NFIA: variants seen among roughly 807,000 people sequenced by gnomAD.
NFIA encodes the protein nuclear factor 1 A-type.
A neutral mutation model predicts 62.8 loss-of-function variants in NFIA; 8 were observed. The observed-to-expected ratio is 0.13, with a 90% CI of 0.07 to 0.23. The LOEUF is 0.23. NFIA is among the 10% of genes least tolerant of loss of function. NFIA has a pLI of 1.00. For missense variants in NFIA, 410 were observed against 642.1 expected (o/e 0.64, Z 3.91); for synonymous variants, 235 against 238.1 (o/e 0.99, Z 0.12).
intron 3 of NFIA, among the ~76,000 whole-genome samples, chr1:61,313,710 T>C (rs1055130300): frequency 6.6e-6 from 1 of 152,190 alleles, no homozygotes; most frequent in Admixed American, 6.5e-5. Flanking sequence ...AAAAAATCTA[T>C]GGTACTTAGA....
At chr1:61,256,016 G>A (rs1306034738) in intron 2 of NFIA, among the ~76,000 whole-genome samples, 1 of 152,160 alleles carries the variant, frequency 6.6e-6, no homozygotes, top group South Asian at 2.1e-4. Context: ...GTCCAGGCAT[G>A]TCCAATCTTT....
intron 3 of NFIA, among the ~76,000 whole-genome samples, chr1:61,303,157 C>T (rs140381327): frequency 2.0e-5 from 3 of 152,282 alleles, no homozygotes; most frequent in South Asian, 4.1e-4. Context: ...GAAACTGAGG[C>T]TCAAAGCGAT....
intron 5 of NFIA, 56 bp from the exon 6 acceptor site, chr1:61,359,091 T>G: frequency 6.3e-7 from 1 of 1,597,668 alleles, no homozygotes; most frequent in Admixed American, 1.7e-5. Context: ...AGGTGCAGTG[T>G]CCAAGAGAAA....
intron 2 of NFIA, among the ~76,000 whole-genome samples, chr1:61,247,817 G>A (rs1245663030): frequency 2.0e-5 from 3 of 152,112 alleles, no homozygotes; most frequent in Non-Finnish European, 4.4e-5. Context: ...TCATCTCAGG[G>A]CCAGAAATGG....
rs546673239 is a variant in NFIA at position 61,347,122 on chromosome 1, G to A, written c.701-5328G>A. On this transcript the variant is annotated intron_variant, in intron 4 of 10. Coordinates refer to ENST00000403491, the MANE Select transcript of NFIA (RefSeq NM_001134673.4). ...CCTTGTGATTGTTCCCAGGTCCACA[G>A]TGATCTTATCACTTCCCTATTCAGA... Among the ~76,000 whole-genome samples, 31 of 147,588 alleles carry A rather than the reference G, an allele frequency of 2.1e-4. No individual in the cohort carries two copies. The East Asian group carries it at 6.3e-3, about 30-fold the overall frequency.
intron 6 of NFIA, among the ~76,000 whole-genome samples, chr1:61,361,782 GGTGTGTGTGTGTGTGT>G (rs61410878): frequency 4.8e-4 from 68 of 142,272 alleles, no homozygotes; most frequent in Admixed American, 6.4e-4. Context: ...TTTGGTAAGA[GGTGTGTGTGTGTGTGT>G]GTGTGTGTGT....
At chr1:61,264,630 G>T (rs1362058729) in intron 2 of NFIA, among the ~76,000 whole-genome samples, 1 of 98,198 alleles carries the variant, frequency 1.0e-5, no homozygotes, top group Non-Finnish European at 2.0e-5. Flanking sequence ...CAGCCTGGGC[G>T]ATAAGAGCAA....
chr1:61,448,506 T>G (rs1667923176), intron 10 of NFIA, among the ~76,000 whole-genome samples: 1 of 152,188 alleles, frequency 6.6e-6, no homozygotes, highest in East Asian at 1.9e-4. Context: ...ACCCCTGGCT[T>G]TCTGGCTTTC....
At chr1:61,231,880 A>C in intron 2 of NFIA, among the ~76,000 whole-genome samples, 1 of 152,080 alleles carries the variant, frequency 6.6e-6, no homozygotes, top group East Asian at 1.9e-4. Context: ...AACAAAAAAA[A>C]ACAAAACAAG....
intron 2 of NFIA, among the ~76,000 whole-genome samples, chr1:61,239,321 T>C (rs1557655630): frequency 6.6e-6 from 1 of 152,170 alleles, no homozygotes; most frequent in Non-Finnish European, 1.5e-5. Flanking sequence ...CTTTTATGGA[T>C]ACCAAATAAT....
At chr1:61,318,535 T>C (rs1237969790) in intron 3 of NFIA, among the ~76,000 whole-genome samples, 16 of 152,334 alleles carry the variant, frequency 1.1e-4, no homozygotes, top group South Asian at 6.2e-4. Flanking sequence ...AAACCAATAG[T>C]TCTACAAATA....
intron 2 of NFIA, among the ~76,000 whole-genome samples, chr1:61,214,598 G>A (rs192570616): frequency 6.6e-6 from 1 of 152,110 alleles, no homozygotes; most frequent in Non-Finnish European, 1.5e-5. Flanking sequence ...ACAAAACTGA[G>A]GCTCTGAGAA....
chr1:61,133,882 C>T (rs922138291), intron 2 of NFIA, among the ~76,000 whole-genome samples: 1 of 151,990 alleles, frequency 6.6e-6, no homozygotes, highest in African/African-American at 2.4e-5. Flanking sequence ...TGGCTCACAC[C>T]TGTAATCCTA....
At chr1:61,365,423 A>G (rs751486414) in intron 6 of NFIA, among the ~76,000 whole-genome samples, 1 of 152,170 alleles carries the variant, frequency 6.6e-6, no homozygotes, top group Admixed American at 6.5e-5. Flanking sequence ...GGTTCTCTTT[A>G]AAACAATTCT....
chr1:61,175,769 TC>T (rs1650300224), intron 2 of NFIA, among the ~76,000 whole-genome samples: 1 of 152,256 alleles, frequency 6.6e-6, no homozygotes, highest in Admixed American at 6.5e-5. Flanking sequence ...TGCAAGTGTC[TC>T]TTTCCTTCTT....
At chr1:61,097,571 A>G (rs1279926584) in intron 2 of NFIA, among the ~76,000 whole-genome samples, 1 of 152,130 alleles carries the variant, frequency 6.6e-6, no homozygotes, top group Non-Finnish European at 1.5e-5. Flanking sequence ...CTGAGTAGTA[A>G]TTTTTAGTAG....
chr1:61,429,831 C>T (rs1271078616), intron 10 of NFIA, among the ~76,000 whole-genome samples: 2 of 152,166 alleles, frequency 1.3e-5, no homozygotes, highest in African/African-American at 4.8e-5. Context: ...AAAATAAATA[C>T]TGTATGATTC....
intron 2 of NFIA, among the ~76,000 whole-genome samples, chr1:61,093,056 C>T (rs1246948452): frequency 6.6e-6 from 1 of 152,044 alleles, no homozygotes; most frequent in Non-Finnish European, 1.5e-5. Context: ...TAGATTGTTA[C>T]AGTTTATAAT....
At chr1:61,315,843 C>T (rs1019515206) in intron 3 of NFIA, among the ~76,000 whole-genome samples, 5 of 152,188 alleles carry the variant, frequency 3.3e-5, no homozygotes, top group African/African-American at 1.2e-4. Context: ...GAGCAGAGAA[C>T]AGAATGCATA....
Sources: allele counts gnomAD v4.1 joint callset (sites outside exome capture counted in the v4.1 genomes callset), GRCh38; gene constraint gnomAD v4.1.1; transcripts MANE v1.5; gene names NCBI Gene and HGNC (gene_info 2026-07-23, HGNC 2026-07-21).